Variants in TLN2 observed in about 807,000 individuals in gnomAD.
TLN2 encodes the protein talin-2.
Under a neutral mutation model 294.7 loss-of-function variants are expected in TLN2, and 118 were observed. The ratio of observed to expected loss-of-function variants is 0.40; its 90% CI spans 0.34 to 0.47. The LOEUF is 0.47. TLN2 is among the 20% of genes least tolerant of loss of function. TLN2 has a pLI of 0.84. For synonymous variants in TLN2, 1,431 were observed against 1,304.5 expected (o/e 1.10, Z -2.09); for missense variants, 3,083 against 3,282.2 (o/e 0.94, Z 1.48).
intron 2 of TLN2, among the ~76,000 whole-genome samples, chr15:62,597,496 C>T (rs2046631112): frequency 6.6e-6 from 1 of 152,184 alleles, no homozygotes; most frequent in Admixed American, 6.5e-5. Flanking sequence ...TCTGGGTTCT[C>T]AGTCACCCCA....
intron 2 of TLN2, among the ~76,000 whole-genome samples, chr15:62,611,760 T>G (rs545941500): frequency 6.6e-6 from 1 of 152,202 alleles, no homozygotes; most frequent in African/African-American, 2.4e-5. Flanking sequence ...CAGAGCCACA[T>G]TGGGTTCCCA....
chr15:62,588,699 T>G (rs1234480649), intron 1 of TLN2, among the ~76,000 whole-genome samples: 2 of 121,838 alleles, frequency 1.6e-5, no homozygotes, highest in Admixed American at 8.2e-5. Context: ...TATATATATA[T>G]ATATATATGA....
At chr15:62,610,097 C>T (rs984825103) in intron 2 of TLN2, among the ~76,000 whole-genome samples, 3 of 152,124 alleles carry the variant, frequency 2.0e-5, no homozygotes, top group Admixed American at 6.5e-5. Context: ...CCCACAGAGC[C>T]CTGATTTCTT....
intron 54 of TLN2, chr15:62,827,585 G>C (rs1001468665): frequency 6.6e-6 from 1 of 152,208 alleles, no homozygotes; most frequent in East Asian, 1.9e-4. Context: ...GGTGCTGAGA[G>C]AGGAGCTGGT....
At chr15:62,526,766 G>A (rs753041056) in intron 1 of TLN2, among the ~76,000 whole-genome samples, 14 of 152,158 alleles carry the variant, frequency 9.2e-5, no homozygotes, top group Non-Finnish European at 1.5e-4. Flanking sequence ...TTGGAAGTTG[G>A]GAAATATTCT....
chr15:62,757,499 A>G (rs947997240), intron 37 of TLN2, among the ~76,000 whole-genome samples: 13 of 151,810 alleles, frequency 8.6e-5, no homozygotes, highest in African/African-American at 2.9e-4. Flanking sequence ...CAGGAAAGAC[A>G]CTCTTTATTC....
At chr15:62,738,176 T>C (rs2061131021) in intron 29 of TLN2, 38 bp from the exon 30 acceptor site, 1 of 1,608,470 alleles carries the variant, frequency 6.2e-7, no homozygotes, top group East Asian at 2.2e-5. Flanking sequence ...GCAGAAATGT[T>C]TGTACTTAAA....
In TLN2 at chr15:62,687,693, TATC is replaced by T. The variant is rs1472370053; in HGVS notation, c.1113+900_1113+902del. ...AATATCACCTCTTATCTATGCAAGA[TATC>T]ATAATAGGACATCAGAAAAAAAACT... is the stretch of plus-strand genomic sequence containing the variant. On this transcript the variant is annotated intron_variant, in intron 12 of 58. Transcript: ENST00000636159. 3.9e-5 allele frequency: 6 copies of T among 152,290 alleles called. No homozygotes were observed. In the South Asian group the frequency reaches 6.2e-4, roughly 16 times the overall value. The allele number at this position is 152,290 out of a possible 1,614,324, so 9.4% of individuals were successfully genotyped here.
chr15:62,777,436 T>C (rs2063796261), intron 43 of TLN2, among the ~76,000 whole-genome samples: 1 of 151,316 alleles, frequency 6.6e-6, no homozygotes, highest in Non-Finnish European at 1.5e-5. Context: ...CTCAGGAGGC[T>C]GAGGCAGGAG....
intron 1 of TLN2, among the ~76,000 whole-genome samples, chr15:62,391,734 C>T (rs1438284950): frequency 6.6e-6 from 1 of 152,248 alleles, no homozygotes; most frequent in Non-Finnish European, 1.5e-5. Flanking sequence ...GCCACGCCAG[C>T]CGGCGGGGCT....
intron 1 of TLN2, among the ~76,000 whole-genome samples, chr15:62,498,091 C>T (rs1363185962): frequency 9.2e-6 from 1 of 108,226 alleles, no homozygotes; most frequent in Non-Finnish European, 1.8e-5. Flanking sequence ...ACGAAAAGTA[C>T]AAAAATTAGC....
Position 62,841,446 on chromosome 15 carries a change from G to A in TLN2, c.*836G>A, listed in dbSNP as rs1002045497. 2 of 152,106 alleles carry A rather than the reference G, an allele frequency of 1.3e-5. No individual in the cohort carries two copies. Among genetic ancestry groups the A allele is most frequent in the African/African-American group, 4.8e-5 (2 of 41,404 alleles). The allele number at this position is 152,106 out of a possible 1,614,324, so 9.4% of individuals were successfully genotyped here. ...AATGCTCGTCTCCTTAGCGTCCAGG[G>A]TGGGGATTCTGCTGGAATAAAGAGC... On this transcript the variant is annotated 3_prime_UTR_variant, in exon 59 of 59. Transcript: ENST00000636159.
intron 54 of TLN2, chr15:62,823,928 C>G (rs751676520): frequency 1.9e-6 from 1 of 522,996 alleles, no homozygotes; most frequent in Non-Finnish European, 4.0e-6. Flanking sequence ...TGCCTAGTCT[C>G]GAGCTCAGTC....
Position 62,708,718 on chromosome 15 carries a change from C to T in TLN2, c.2389C>T (p.Pro797Ser). 6.2e-7 allele frequency: 1 copy of T among 1,613,072 alleles called. No individual in the cohort carries two copies. ...HVRQFASRGE[P>S]IGRYDQATDT... ...GCGGCAGTTTGCCAGCCGAGGCGAGCCCATCGGCCGCTACGACCAGGCTAC... is the reference window on the plus strand; with the variant it reads ...GCGGCAGTTTGCCAGCCGAGGCGAGTCCATCGGCCGCTACGACCAGGCTAC... Residue 797 changes from proline to serine, a missense_variant, in exon 21 of 59, where the codon CCC (proline) becomes TCC (serine). Pro to Ser is a moderately conservative substitution (Grantham distance 74). Coordinates refer to ENST00000636159, the MANE Select transcript of TLN2 (RefSeq NM_015059.3).
chr15:62,393,324 G>A (rs764062106), intron 1 of TLN2, among the ~76,000 whole-genome samples: 1 of 152,200 alleles, frequency 6.6e-6, no homozygotes, highest in Non-Finnish European at 1.5e-5. Flanking sequence ...CCTGTTGAAT[G>A]AGTTACTAGG....
chr15:62,756,633 G>T (rs921854200), intron 37 of TLN2, among the ~76,000 whole-genome samples: 1 of 152,204 alleles, frequency 6.6e-6, no homozygotes, highest in Non-Finnish European at 1.5e-5. Context: ...TATTCATTCA[G>T]ATAGGAGGTT....
intron 1 of TLN2, among the ~76,000 whole-genome samples, chr15:62,398,690 G>A (rs1279121355): frequency 1.3e-5 from 2 of 152,154 alleles, no homozygotes; most frequent in African/African-American, 4.8e-5. Context: ...CAAAGAGACT[G>A]GTGGCTTTTT....
At chr15:62,781,091 C>T in intron 43 of TLN2, 49 bp from the exon 44 acceptor site, 1 of 1,418,202 alleles carries the variant, frequency 7.1e-7, no homozygotes, top group African/African-American at 1.4e-5. Context: ...ACAGTCTACA[C>T]TTCAGCAGGC....
chr15:62,777,858 A>AT (rs1318445202), intron 43 of TLN2, among the ~76,000 whole-genome samples: 1 of 152,210 alleles, frequency 6.6e-6, no homozygotes, highest in East Asian at 1.9e-4. Flanking sequence ...TTTCAACTCC[A>AT]TATCTCCTGT....
Sources: gnomAD v4.1 joint callset for allele counts (sites outside exome capture counted in the v4.1 genomes callset) on GRCh38, gnomAD v4.1.1 for gene constraint, MANE v1.5 for transcripts, NCBI Gene and HGNC (gene_info 2026-07-23, HGNC 2026-07-21) for gene names.